Variants in GIT1 observed in about 807,000 individuals in gnomAD.
GIT1 encodes the protein ARF GTPase-activating protein GIT1.
Under a neutral mutation model 91.7 loss-of-function variants are expected in GIT1, and 14 were observed. The ratio of observed to expected loss-of-function variants is 0.15; its 90% CI spans 0.10 to 0.24. The LOEUF (loss-of-function observed/expected upper bound fraction) is 0.24. GIT1 is among the 10% of genes least tolerant of loss of function. The pLI, the probability that GIT1 is intolerant of heterozygous loss-of-function variation, is 1.00. For missense variants in GIT1, 717 were observed against 1,024.9 expected (o/e 0.70, Z 4.10); for synonymous variants, 414 against 418.2 (o/e 0.99, Z 0.12).
chr17:29,576,476 C>A, intron 13 of GIT1, 26 bp from the exon 14 acceptor site: 1 of 1,613,252 alleles, frequency 6.2e-7, no homozygotes, highest in Non-Finnish European at 8.5e-7. Context: ...GCTGTCAACC[C>A]CCTGGAGTCC....
At position 29,583,580 on chromosome 17, in the gene GIT1, A is replaced by G; in HGVS notation, c.89T>C (p.Val30Ala). The part of the protein sequence containing the change: ...GWASISRGVL[V>A]CDECCSVHRS... ...GTGCACGCTGCAGCACTCGTCACAC[A>G]CCAGCACACCCCTGCTGATGGATGC... The change falls in exon 2 of 20, where the codon GTG (valine) becomes GCG (alanine). Residue 30 changes from valine (V) to alanine (A), a missense_variant. Around this residue, in one of 3 missense-constraint regions of GIT1, gnomAD observed 271 missense variants for 451.6 expected, o/e 0.60. Transcript: ENST00000225394. 6.2e-7 allele frequency: 1 copy of G among 1,606,394 alleles called. No homozygotes were observed. The highest frequency in any genetic ancestry group is 8.5e-7 in the Non-Finnish European group (1 of 1,177,616).
Position 29,576,296 on chromosome 17 carries a change from G to C in GIT1, c.1535C>G (p.Pro512Arg), listed in dbSNP as rs1471537920. ...RDRQAFSMYEPGSALKPFGGP... is the reference protein window; with the variant it reads ...RDRQAFSMYERGSALKPFGGP... ...CCCAAAGGGCTTCAGGGCAGAGCCA[G>C]GTTCATACATGGAAAAGGCCTGGCG... Residue 512 changes from proline (P) to arginine (R), a missense_variant, in exon 14 of 20, where the codon CCT (proline) becomes CGT (arginine). Pro to Arg is a moderately radical substitution (Grantham distance 103). Coordinates refer to ENST00000225394, the MANE Select transcript of GIT1 (RefSeq NM_014030.4). 6.2e-7 allele frequency: 1 copy of C among 1,612,726 alleles called. No individual in the cohort carries two copies. The highest frequency in any genetic ancestry group is 1.7e-5 in the Admixed American group (1 of 60,002).
rs369718229 is a variant in GIT1, at chr17:29,581,277, G to A, written c.761+61C>T. ...CTGAAACCTGGGCTGGGAGCTCTGG[G>A]GGTCAGCCACCCACATGGCATCCAA... On this transcript the variant is annotated intron_variant, in intron 7 of 19. Coordinates refer to ENST00000225394, the MANE Select transcript of GIT1 (RefSeq NM_014030.4). This position sits in a 1 kb window ranked among gnomAD's most constrained non-coding sequence, Gnocchi z 4.8. 6.2e-5 allele frequency: 80 copies of A among 1,290,798 alleles called. No individual in the cohort carries two copies. In the East Asian group the frequency reaches 8.8e-4, roughly 14 times the overall value. The allele number at this position is 1,290,798 out of a possible 1,614,324, so 80.0% of individuals were successfully genotyped here.
Position 29,575,478 on chromosome 17 carries a change from C to T in GIT1, c.1827-8G>A, listed in dbSNP as rs1478440853. The stretch of plus-strand genomic sequence containing the variant: ...AACCTCTTCCCTTCCAGCCTGAGGC[C>T]CAGGTCCAGAAAACAGAGACAAAGA... On this transcript the variant is annotated splice_region_variant and splice_polypyrimidine_tract_variant and intron_variant, in intron 17 of 19. Coordinates refer to ENST00000225394, the MANE Select transcript of GIT1 (RefSeq NM_014030.4). The surrounding 1 kb of genome is among the most constrained non-coding windows in gnomAD (Gnocchi z 5.5). 6.3e-7 allele frequency: 1 copy of T among 1,597,006 alleles called. No individual in the cohort carries two copies. The highest frequency in any genetic ancestry group is 1.1e-5 in the South Asian group (1 of 89,292).
intron 1 of GIT1, chr17:29,583,961 C>T (rs575598640): frequency 2.2e-4 from 68 of 303,768 alleles, no homozygotes; most frequent in African/African-American, 1.0e-3. Context: ...CAGCCCGTCC[C>T]GAAGGGAGGA....
rs771274837 is a variant in GIT1 at position 29,574,484 on chromosome 17, G to A, written c.*218C>T. On this transcript the variant is annotated 3_prime_UTR_variant, in exon 20 of 20. Transcript: ENST00000225394. Reference sequence around the variant, plus strand: ...GAGATGCTATATACAGAGGGGAGGTGCATGGAATGTGGGGGACAGAAGCTC... The same window carrying A: ...GAGATGCTATATACAGAGGGGAGGTACATGGAATGTGGGGGACAGAAGCTC... 1.3e-5 allele frequency: 8 copies of A among 617,216 alleles called. No homozygotes were observed. The highest frequency in any genetic ancestry group is 3.7e-5 in the South Asian group (2 of 53,704). 38.2% of individuals were successfully genotyped at this position (617,216 alleles called of 1,614,324 possible).
Position 29,576,448 on chromosome 17 carries a change from G to C in GIT1, c.1383C>G (p.Ile461Met), listed in dbSNP as rs2033204927. The C allele has an allele frequency of 6.2e-7, 1 of 1,612,676 alleles. No individual in the cohort carries two copies. Among genetic ancestry groups the C allele is most frequent in the Non-Finnish European group, 8.5e-7 (1 of 1,179,380 alleles). ...GCAGGTTCTCCGCCTGCAGCTTGTG[G>C]ATCTATGGGTGCAAAGTGCTGTCAA... ...SDELRRLQRE[I>M]HKLQAENLQL... Residue 461 changes from isoleucine (I) to methionine (M), a missense_variant and splice_region_variant, in exon 14 of 20, where the codon ATC becomes ATG. Ile to Met is a conservative substitution (Grantham distance 10). Transcript: ENST00000225394.
intron 2 of GIT1, 136 bp from the exon 3 acceptor site, chr17:29,583,173 C>T (rs1189171925): frequency 6.0e-6 from 4 of 667,084 alleles, no homozygotes; most frequent in Non-Finnish European, 1.1e-5. Flanking sequence ...CGCACCACCA[C>T]ACCTCCATCT....
chr17:29,577,838 C>G, intron 9 of GIT1, 96 bp from the exon 10 acceptor site: 1 of 764,328 alleles, frequency 1.3e-6, no homozygotes, highest in Non-Finnish European at 2.3e-6. Flanking sequence ...GCTGCCCCCA[C>G]GCCTACTGAG....
intron 12 of GIT1, 25 bp from the exon 13 acceptor site, chr17:29,576,699 C>T (rs2033216722): frequency 5.0e-6 from 8 of 1,613,106 alleles, no homozygotes; most frequent in Non-Finnish European, 6.8e-6. Flanking sequence ...CTAAGCTGGT[C>T]AGCACCTGGG....
chr17:29,577,380 C>T (rs1375673919), intron 10 of GIT1, 133 bp from the exon 11 acceptor site: 2 of 752,320 alleles, frequency 2.7e-6, no homozygotes, highest in South Asian at 1.7e-5. Context: ...CCTAGCTTCA[C>T]CTGGCTAGTC....
chr17:29,578,239 G>C (rs1200944083), intron 9 of GIT1, 60 bp downstream of exon 9: 22 of 1,353,976 alleles, frequency 1.6e-5, no homozygotes, highest in Non-Finnish European at 2.0e-5. Context: ...TAAAGGACCA[G>C]AGACCCATGC....
Position 29,581,269 on chromosome 17 carries a change from A to C in GIT1, c.761+69T>G, listed in dbSNP as rs2033384384. 2.6e-6 allele frequency: 3 copies of C among 1,157,234 alleles called. No homozygotes were observed. The highest frequency in any genetic ancestry group is 1.5e-5 in the African/African-American group (1 of 66,038). The allele number at this position is 1,157,234 out of a possible 1,614,324, so 71.7% of individuals were successfully genotyped here. ...CTAGGCCTCTGAAACCTGGGCTGGG[A>C]GCTCTGGGGGTCAGCCACCCACATG... is the stretch of plus-strand genomic sequence containing the variant. On this transcript the variant is annotated intron_variant, in intron 7 of 19. Coordinates refer to ENST00000225394, the MANE Select transcript of GIT1 (RefSeq NM_014030.4). The surrounding 1 kb of genome is among the most constrained non-coding windows in gnomAD (Gnocchi z 4.8).
chr17:29,576,033 C>T (rs2033182436), intron 15 of GIT1, 45 bp downstream of exon 15: 2 of 1,601,262 alleles, frequency 1.2e-6, no homozygotes, highest in African/African-American at 1.3e-5. Context: ...CCCCCTGGGG[C>T]TCAGAACCTA....
intron 1 of GIT1, among the ~76,000 whole-genome samples, chr17:29,586,107 C>T (rs2033587501): frequency 6.6e-6 from 1 of 152,116 alleles, no homozygotes; most frequent in African/African-American, 2.4e-5. Flanking sequence ...GAGAGTAGTC[C>T]TTGGGGTAGA....
Position 29,581,176 on chromosome 17 carries a change from T to G in GIT1, c.761+162A>C, listed in dbSNP as rs2033381931. 1 of 648,430 alleles carries G rather than the reference T, an allele frequency of 1.5e-6. No individual in the cohort carries two copies. Among genetic ancestry groups the G allele is most frequent in the Admixed American group, 2.4e-5 (1 of 42,046 alleles). The allele number at this position is 648,430 out of a possible 1,614,324, so 40.2% of individuals were successfully genotyped here. ...ATGGAGCTGACATTTTTTACCTGCC[T>G]TGGGGCCCAGCATTAGGGACTGAGG... On this transcript the variant is annotated intron_variant, in intron 7 of 19. Transcript: ENST00000225394. The surrounding 1 kb of genome is among the most constrained non-coding windows in gnomAD (Gnocchi z 4.8).
At chr17:29,583,294 G>T (rs2033466117) in intron 2 of GIT1, among the ~76,000 whole-genome samples, 189 bp downstream of exon 2, 1 of 152,176 alleles carries the variant, frequency 6.6e-6, no homozygotes, top group South Asian at 2.1e-4. Flanking sequence ...GCAGGGGTGT[G>T]AGCTACTCTT....
intron 1 of GIT1, among the ~76,000 whole-genome samples, chr17:29,587,182 C>A (rs562428159): frequency 1.3e-5 from 2 of 152,196 alleles, no homozygotes; most frequent in South Asian, 4.2e-4. Context: ...TGCTGGGTAC[C>A]CTCATGCCTC....
intron 10 of GIT1, 78 bp from the exon 11 acceptor site, chr17:29,577,325 G>T: frequency 9.3e-7 from 1 of 1,078,010 alleles, no homozygotes. Flanking sequence ...CAAGTAGCAA[G>T]GCATGGCTCT....
Sources: gnomAD v4.1 joint callset for allele counts (sites outside exome capture counted in the v4.1 genomes callset) on GRCh38, gnomAD v4.1.1 for gene constraint, gnomAD v4.1.1 regional missense constraint, Gnocchi (gnomAD v3.1) non-coding constraint, MANE v1.5 for transcripts, NCBI Gene and HGNC (gene_info 2026-07-23, HGNC 2026-07-21) for gene names.